The following FAM193A variants were observed in gnomAD, a reference collection of about 807,000 sequenced individuals.
FAM193A encodes the protein family with sequence similarity 193 member A, also known as protein FAM193A.
In FAM193A, 22 loss-of-function variants were observed where a neutral mutation model predicts 126.5. That is an observed-to-expected ratio of 0.17 (90% CI 0.12 to 0.25). The LOEUF is 0.25. Among genes scored for constraint, FAM193A ranks in the 10% least tolerant of loss-of-function variants. FAM193A has a pLI of 1.00. For synonymous variants in FAM193A, 761 were observed against 646.8 expected (o/e 1.18, Z -2.68); for missense variants, 1,675 against 1,672.8 (o/e 1.00, Z -0.02).
intron 19 of FAM193A, among the ~76,000 whole-genome samples, chr4:2,708,786 T>TATA (rs1186236375): frequency 3.3e-5 from 5 of 152,222 alleles, no homozygotes; most frequent in African/African-American, 1.2e-4. Context: ...TTATATATTT[T>TATA]ACTTTACTGA....
At chr4:2,635,739 T>C (rs1400227488) in intron 5 of FAM193A, among the ~76,000 whole-genome samples, 1 of 152,172 alleles carries the variant, frequency 6.6e-6, no homozygotes, top group Non-Finnish European at 1.5e-5. Flanking sequence ...GGTTTCACCA[T>C]GTTGGCCAGG....
chr4:2,573,985 G>A (rs541286701), intron 1 of FAM193A, among the ~76,000 whole-genome samples: 80 of 152,344 alleles, frequency 5.3e-4, no homozygotes, highest in Middle Eastern at 3.4e-3. Flanking sequence ...GGAGCAGAAT[G>A]AGTCAGAGAG....
intron 7 of FAM193A, among the ~76,000 whole-genome samples, chr4:2,651,764 C>T (rs1318751198): frequency 1.3e-5 from 2 of 152,196 alleles, no homozygotes; most frequent in Non-Finnish European, 2.9e-5. Flanking sequence ...TGCCTGTCCT[C>T]AGGACAGCTC....
chr4:2,568,973 C>CTTTTTTTTTTTTT (rs753557878), intron 1 of FAM193A, among the ~76,000 whole-genome samples: 16 of 90,728 alleles, frequency 1.8e-4, no homozygotes, highest in African/African-American at 4.6e-4. Flanking sequence ...TGTTGTTTTG[C>CTTTTTTTTTTTTT]TTTTTTTTTT....
intron 1 of FAM193A, among the ~76,000 whole-genome samples, chr4:2,552,545 T>G (rs534489505): frequency 1.3e-5 from 2 of 152,274 alleles, no homozygotes; most frequent in Admixed American, 1.3e-4. Flanking sequence ...TTCTTTTCTT[T>G]TCTTTTTTTT....
At chr4:2,678,512 G>A (rs1410114682) in intron 13 of FAM193A, among the ~76,000 whole-genome samples, 2 of 151,818 alleles carry the variant, frequency 1.3e-5, no homozygotes, top group African/African-American at 2.4e-5. Context: ...ACAGGCATGC[G>A]CCTCCATGCC....
At chr4:2,650,530 T>C (rs1253426914) in intron 7 of FAM193A, among the ~76,000 whole-genome samples, 2 of 152,142 alleles carry the variant, frequency 1.3e-5, no homozygotes, top group Non-Finnish European at 2.9e-5. Context: ...CCACCCTGGC[T>C]GGGGGCAGAG....
upstream of FAM193A, among the ~76,000 whole-genome samples, chr4:2,536,133 G>C (rs1447182682): frequency 2.0e-5 from 3 of 151,580 alleles, no homozygotes; most frequent in Admixed American, 6.6e-5. Flanking sequence ...GCCGGTCTGC[G>C]GCACCTGGGC....
In FAM193A at chr4:2,696,553, G is replaced by A; in HGVS notation, c.3467G>A (p.Ser1156Asn). 1.2e-6 allele frequency: 2 copies of A among 1,614,248 alleles called. No homozygotes were observed. The highest frequency in any genetic ancestry group is 1.7e-6 in the Non-Finnish European group (2 of 1,180,042). The change falls in exon 18 of 21, where the codon AGC becomes AAC. Residue 1156 changes from serine to asparagine, a missense_variant. Ser to Asn is a conservative substitution (Grantham distance 46). Around this residue, in one of 4 missense-constraint regions of FAM193A, gnomAD observed 415 missense variants for 396.7 expected, o/e 1.05. Coordinates refer to ENST00000637812, the MANE Select transcript of FAM193A (RefSeq NM_001366318.2). ...AGCTCCGAAACCAAACCAGTGAGCA[G>A]CACGCGTGCAGCGAAGCGAGCAAGG... Reference protein sequence around the residue: ...INSSETKPVSSTRAAKRARHK... With the variant: ...INSSETKPVSNTRAAKRARHK...
chr4:2,665,164 C>G (rs1712964385), intron 12 of FAM193A, among the ~76,000 whole-genome samples: 1 of 151,934 alleles, frequency 6.6e-6, no homozygotes. Context: ...CTCAGTAGTT[C>G]TAAAAAAATT....
chr4:2,664,628 G>A (rs140995196), intron 12 of FAM193A, among the ~76,000 whole-genome samples: 2,440 of 141,530 alleles, frequency 0.017, 54 homozygotes, highest in African/African-American at 0.051. Context: ...GTGCAGTGGC[G>A]CGATCTCGCC....
chr4:2,581,668 C>T (rs148816545), intron 1 of FAM193A, among the ~76,000 whole-genome samples: 2,918 of 151,978 alleles, frequency 0.019, 29 homozygotes, highest in South Asian at 0.046. Context: ...TTTTTTGAGA[C>T]GGAGTCTCGC....
At chr4:2,574,316 C>G (rs780182430) in intron 1 of FAM193A, among the ~76,000 whole-genome samples, 4 of 152,122 alleles carry the variant, frequency 2.6e-5, no homozygotes, top group Non-Finnish European at 4.4e-5. Context: ...CGGCCTGTCT[C>G]ACACCAAGGC....
chr4:2,634,376 G>T (rs985170074), intron 5 of FAM193A, among the ~76,000 whole-genome samples: 3 of 152,160 alleles, frequency 2.0e-5, no homozygotes, highest in African/African-American at 7.2e-5. Context: ...TGACCTCAGA[G>T]AATTCGAATA....
At chr4:2,630,820 G>T in intron 4 of FAM193A, 115 bp from the exon 5 acceptor site, 1 of 618,140 alleles carries the variant, frequency 1.6e-6, no homozygotes, top group East Asian at 2.7e-5. Context: ...GAAGGTGACT[G>T]TGTGGTCATC....
In FAM193A at chr4:2,639,752, A is replaced by G. The variant is rs1218560510; in HGVS notation, c.1056A>G (p.Lys352=). The change falls in exon 6 of 21, where the codon AAA becomes AAG. Residue 352 remains lysine, a synonymous_variant. Transcript: ENST00000637812. ...TTAACCAGGAAAATGAACACTTGAA[A>G]AAGTTCCAAGTGACGTGGGAACTGC... is the stretch of plus-strand genomic sequence containing the variant. ...FLGTLENEHL[K]KFQVTWELHN... 3 of 1,612,216 alleles carry G rather than the reference A, an allele frequency of 1.9e-6. No homozygotes were observed. Among genetic ancestry groups the G allele is most frequent in the Non-Finnish European group, 2.5e-6 (3 of 1,179,066 alleles).
At chr4:2,646,925 A>G in intron 7 of FAM193A, 93 bp downstream of exon 7, 1 of 1,357,584 alleles carries the variant, frequency 7.4e-7, no homozygotes, top group South Asian at 1.5e-5. Flanking sequence ...CCTGAGCTGC[A>G]AGCCAGGAAT....
intron 12 of FAM193A, among the ~76,000 whole-genome samples, chr4:2,664,688 C>G (rs1251601882): frequency 1.3e-5 from 2 of 151,336 alleles, no homozygotes; most frequent in Non-Finnish European, 2.9e-5. Flanking sequence ...CTCAGCCTCC[C>G]AAGTATCTGG....
chr4:2,537,801 C>G (rs1202287188), intron 1 of FAM193A, among the ~76,000 whole-genome samples: 4 of 152,200 alleles, frequency 2.6e-5, no homozygotes, highest in African/African-American at 4.8e-5. Flanking sequence ...CCCCTCCTCC[C>G]CCGCTTTGTT....
Sources: allele counts gnomAD v4.1 joint callset (sites outside exome capture counted in the v4.1 genomes callset), GRCh38; gene constraint gnomAD v4.1.1; regional missense constraint gnomAD v4.1.1; transcripts MANE v1.5; gene names NCBI Gene and HGNC (gene_info 2026-07-23, HGNC 2026-07-21).